CTNNA2: variants seen among roughly 807,000 people sequenced by gnomAD.
CTNNA2 encodes catenin alpha 2, also known as catenin alpha-2.
A neutral mutation model predicts 101.0 loss-of-function variants in CTNNA2; 42 were observed. That is an observed-to-expected ratio of 0.42 (90% CI 0.32 to 0.54). The LOEUF (loss-of-function observed/expected upper bound fraction) is 0.54, where lower values mean the gene tolerates loss of function less well. Ranked by LOEUF, CTNNA2 falls within the 20% of genes least tolerant of loss-of-function variation. The probability of loss-of-function intolerance (pLI) is 0.14; values close to 1 mark genes in which losing one functional copy is unlikely to be tolerated. For synonymous variants in CTNNA2, 450 were observed against 456.4 expected, an observed-to-expected ratio of 0.99 and a Z score of 0.18; for missense variants, 871 against 1,223.1, an observed-to-expected ratio of 0.71 and a Z score of 4.29.
chr2:80,438,131 C>A (rs1373363029), intron 9 of CTNNA2, among the ~76,000 whole-genome samples: 1 of 152,200 alleles, frequency 6.6e-6, no homozygotes, highest in East Asian at 1.9e-4. Flanking sequence ...TTGGTTTCTC[C>A]TGAGGCCTCT....
At chr2:79,987,216 G>A (rs993950585) in intron 7 of CTNNA2, among the ~76,000 whole-genome samples, 1 of 152,194 alleles carries the variant, frequency 6.6e-6, no homozygotes, top group African/African-American at 2.4e-5. Context: ...TTTTGTCAGG[G>A]TGAGCCTTTA....
At chr2:79,515,482 C>A (rs1424533270) in intron 1 of CTNNA2, among the ~76,000 whole-genome samples, 1 of 152,152 alleles carries the variant, frequency 6.6e-6, no homozygotes, top group African/African-American at 2.4e-5. Flanking sequence ...TGCAGTTTTT[C>A]TGCAGAGTGG....
chr2:79,883,587 GA>G (rs997175571), intron 6 of CTNNA2, among the ~76,000 whole-genome samples: 3 of 152,164 alleles, frequency 2.0e-5, no homozygotes, highest in Admixed American at 1.3e-4. Context: ...AAAGATTTAA[GA>G]AAAATATAGT....
At chr2:79,869,988 C>G in intron 5 of CTNNA2, 53 bp downstream of exon 5, 1 of 1,596,268 alleles carries the variant, frequency 6.3e-7, no homozygotes, top group African/African-American at 1.3e-5. Flanking sequence ...TTTAAATAAC[C>G]CTGTAGCTTT....
intron 7 of CTNNA2, among the ~76,000 whole-genome samples, chr2:80,094,584 A>G (rs1373819302): frequency 6.6e-6 from 1 of 152,118 alleles, no homozygotes; most frequent in Non-Finnish European, 1.5e-5. Context: ...TGAATCTATA[A>G]ATTACCTTGG....
At chr2:79,573,186 T>C (rs1675567062) in intron 1 of CTNNA2, among the ~76,000 whole-genome samples, 1 of 152,154 alleles carries the variant, frequency 6.6e-6, no homozygotes, top group African/African-American at 2.4e-5. Flanking sequence ...ATAAAAACCG[T>C]GAAGGCTGAA....
intron 12 of CTNNA2, among the ~76,000 whole-genome samples, chr2:80,557,026 T>C (rs887167193): frequency 6.6e-6 from 1 of 152,238 alleles, no homozygotes; most frequent in African/African-American, 2.4e-5. Flanking sequence ...AAGAGTTCTG[T>C]AGGTATTTGT....
intron 9 of CTNNA2, among the ~76,000 whole-genome samples, chr2:80,477,076 A>G (rs1421293813): frequency 6.6e-6 from 1 of 152,198 alleles, no homozygotes; most frequent in Admixed American, 6.5e-5. Context: ...ACTGGCCTAG[A>G]GTTTATAGAT....
intron 3 of CTNNA2, among the ~76,000 whole-genome samples, chr2:79,795,973 G>T (rs1675668154): frequency 6.6e-6 from 1 of 152,144 alleles, no homozygotes; most frequent in Non-Finnish European, 1.5e-5. Flanking sequence ...AGTATGTCTG[G>T]AAACGGTTTC....
chr2:80,523,824 C>G (rs147819454), intron 9 of CTNNA2, among the ~76,000 whole-genome samples: 3 of 152,234 alleles, frequency 2.0e-5, no homozygotes, highest in East Asian at 3.9e-4. Flanking sequence ...TATAACCAAT[C>G]TTGATACAAA....
intron 7 of CTNNA2, chr2:80,289,262 A>C (rs1009641363): frequency 6.6e-6 from 1 of 152,164 alleles, no homozygotes; most frequent in Non-Finnish European, 1.5e-5. Context: ...CAAGTGTCAA[A>C]GCATCTGTAG....
chr2:80,446,621 G>A lies in CTNNA2; in HGVS notation c.1290+27020G>A, dbSNP rs142458407. Among the ~76,000 whole-genome samples the A allele has an allele frequency of 8.3e-3, 1,262 of 152,188 alleles. 7 individuals are homozygous for A. Among genetic ancestry groups the A allele is most frequent in the Non-Finnish European group, 0.013 (886 of 67,996 alleles). On this transcript the variant is annotated intron_variant, in intron 9 of 18. Coordinates refer to ENST00000402739, the MANE Select transcript of CTNNA2 (RefSeq NM_001282597.3). ...ATTGTGTTCTGGAAAAAAAAATCATGTAAGGCTTTTTTAAAAAGGGAGGAA... is the reference window on the plus strand; with the variant it reads ...ATTGTGTTCTGGAAAAAAAAATCATATAAGGCTTTTTTAAAAAGGGAGGAA...
intron 2 of CTNNA2, among the ~76,000 whole-genome samples, chr2:79,295,012 TGTATTTGTGTATGC>T (rs1000977759): frequency 4.1e-5 from 6 of 144,856 alleles, no homozygotes; most frequent in African/African-American, 1.3e-4. Flanking sequence ...TGTGTGTGTG[TGTATTTGTGTATGC>T]GTGTGTGTAT....
intron 8 of CTNNA2, among the ~76,000 whole-genome samples, chr2:80,416,497 A>G (rs1680060483): frequency 6.6e-6 from 1 of 152,154 alleles, no homozygotes; most frequent in Non-Finnish European, 1.5e-5. Context: ...ATAGGAAATG[A>G]TGAATTAAAA....
intron 1 of CTNNA2, among the ~76,000 whole-genome samples, chr2:79,538,365 CTTTA>C (rs1673201209): frequency 6.6e-6 from 1 of 151,848 alleles, no homozygotes; most frequent in African/African-American, 2.4e-5. Flanking sequence ...TTCTCTAATC[CTTTA>C]TTTATTTATT....
At chr2:80,545,762 A>G (rs913372648) in intron 10 of CTNNA2, 145 bp from the exon 11 acceptor site, 1 of 647,288 alleles carries the variant, frequency 1.5e-6, no homozygotes, top group South Asian at 2.7e-5. Context: ...TTTATCTTTT[A>G]TGTGTTTGAT....
At chr2:79,702,697 T>C (rs1399932502) in intron 2 of CTNNA2, among the ~76,000 whole-genome samples, 2 of 152,232 alleles carry the variant, frequency 1.3e-5, no homozygotes, top group African/African-American at 4.8e-5. Context: ...ATGATTTTGT[T>C]GACTCTGAGA....
chr2:79,954,626 A>G lies in CTNNA2; in HGVS notation c.1056+44829A>G, dbSNP rs577407296. On this transcript the variant is annotated intron_variant, in intron 7 of 18. Transcript: ENST00000402739. ...TTTATCTTTGTGTGTTTTTCACTGT[A>G]AGGTTCAAGCAGCAATACAAATGGA... Among the ~76,000 whole-genome samples, 3 of 152,302 alleles carry G rather than the reference A, an allele frequency of 2.0e-5. No individual in the cohort carries two copies. In the East Asian group the frequency reaches 5.8e-4, roughly 29 times the overall value.
At chr2:80,559,423 G>A (rs3770310) in intron 12 of CTNNA2, among the ~76,000 whole-genome samples, 62,245 of 152,064 alleles carry the variant, frequency 0.41, 14,741 homozygotes, top group Non-Finnish European at 0.53. Flanking sequence ...GGCTGCCCTC[G>A]CTGAGTGGCT....
Sources: allele counts gnomAD v4.1 joint callset (sites outside exome capture counted in the v4.1 genomes callset), GRCh38; gene constraint gnomAD v4.1.1; transcripts MANE v1.5; gene names NCBI Gene and HGNC (gene_info 2026-07-23, HGNC 2026-07-21).